PTK2: variants seen among roughly 807,000 people sequenced by gnomAD.
The protein encoded by PTK2 is focal adhesion kinase 1.
PTK2 carries 45 observed loss-of-function variants against 150.1 expected under a neutral mutation model. That is an observed-to-expected ratio of 0.30 (90% confidence interval 0.24 to 0.38). The LOEUF (loss-of-function observed/expected upper bound fraction) is 0.38, where lower values mean the gene tolerates loss of function less well. PTK2 is among the 10% of genes least tolerant of loss of function. PTK2 has a pLI of 1.00. For missense variants in PTK2, 919 were observed against 1,307.3 expected (o/e 0.70, Z 4.58); for synonymous variants, 432 against 449.2 (o/e 0.96, Z 0.48).
intron 3 of PTK2, among the ~76,000 whole-genome samples, chr8:140,884,614 A>G (rs1157449190): frequency 6.6e-6 from 1 of 152,176 alleles, no homozygotes; most frequent in African/African-American, 2.4e-5. Context: ...ACTGCTCTGA[A>G]AAGTCCTCCA....
intron 10 of PTK2, among the ~76,000 whole-genome samples, chr8:140,804,991 C>T (rs2100097446): frequency 6.6e-6 from 1 of 152,134 alleles, no homozygotes; most frequent in African/African-American, 2.4e-5. Context: ...TGGCTTCTCC[C>T]CTACTCAATC....
intron 23 of PTK2, 78 bp from the exon 27 acceptor site, chr8:140,706,283 T>C: frequency 9.2e-7 from 1 of 1,083,192 alleles, no homozygotes; most frequent in Non-Finnish European, 1.4e-6. Flanking sequence ...GAAAAAGACA[T>C]TTTCCTAATA....
chr8:140,861,080 C>A (rs1318124434), intron 5 of PTK2, among the ~76,000 whole-genome samples: 1 of 152,204 alleles, frequency 6.6e-6, no homozygotes, highest in African/African-American at 2.4e-5. Flanking sequence ...GTGGCTCATG[C>A]CTATACTCCC....
rs150471887 is a variant in PTK2 at position 140,777,464 on chromosome 8, C to T, written c.1177+12010G>A. ...CACGCCATTCATAAGGGATCTGCCT[C>T]ATGATTCAAGCACCATCCACCAGGC... On this transcript the variant is annotated intron_variant, in intron 14 of 31. Coordinates refer to ENST00000522684, the Ensembl canonical transcript of PTK2. Among the ~76,000 whole-genome samples, 4 of 152,386 alleles carry T rather than the reference C, an allele frequency of 2.6e-5. No individual in the cohort carries two copies. In the East Asian group the frequency reaches 7.7e-4, roughly 29 times the overall value.
intron 5 of PTK2, among the ~76,000 whole-genome samples, chr8:140,862,696 G>C (rs1346392769): frequency 6.6e-6 from 1 of 152,162 alleles, no homozygotes; most frequent in Admixed American, 6.5e-5. Flanking sequence ...CAGATAAGCA[G>C]TGGCATAAGA....
intron 14 of PTK2, among the ~76,000 whole-genome samples, chr8:140,781,158 T>TA (rs2100081446): frequency 6.6e-6 from 1 of 152,182 alleles, no homozygotes; most frequent in South Asian, 2.1e-4. Flanking sequence ...CTCTAGAATT[T>TA]ATATTTTAAA....
intron 1 of PTK2, among the ~76,000 whole-genome samples, chr8:140,929,685 G>A (rs1253998229): frequency 6.6e-6 from 1 of 151,734 alleles, no homozygotes; most frequent in Non-Finnish European, 1.5e-5. Flanking sequence ...AAATTTAAAG[G>A]TCCATTCAGT....
chr8:140,884,731 CTG>C (rs2100151662), intron 3 of PTK2, among the ~76,000 whole-genome samples: 1 of 152,186 alleles, frequency 6.6e-6, no homozygotes, highest in African/African-American at 2.4e-5. Context: ...TCCCAAATCA[CTG>C]TACATTTTCC....
intron 10 of PTK2, 47 bp from the exon 11 acceptor site, chr8:140,803,697 A>G (rs758681098): frequency 1.3e-6 from 2 of 1,488,284 alleles, no homozygotes; most frequent in Admixed American, 1.7e-5. Flanking sequence ...TAAAAAACTC[A>G]TTTCACAGAG....
At chr8:140,711,167 C>T (rs747979245) in intron 23 of PTK2, among the ~76,000 whole-genome samples, 6 of 152,152 alleles carry the variant, frequency 3.9e-5, no homozygotes, top group Non-Finnish European at 7.3e-5. Context: ...AGTGCAGTGG[C>T]GTGATCTCGG....
At chr8:140,858,258 A>C (rs1214044913) in intron 5 of PTK2, among the ~76,000 whole-genome samples, 1 of 152,090 alleles carries the variant, frequency 6.6e-6, no homozygotes, top group Non-Finnish European at 1.5e-5. Context: ...ACATATGGAG[A>C]GACTGAGGAG....
In PTK2 at chr8:140,702,498, G is replaced by A. The variant is rs562774924; in HGVS notation, c.2367+72C>T. 12 of 1,546,694 alleles carry A rather than the reference G, an allele frequency of 7.8e-6. No individual in the cohort carries two copies. The East Asian group carries it at 2.3e-4, about 29-fold the overall frequency. On this transcript the variant is annotated intron_variant, in intron 25 of 31. Coordinates refer to ENST00000522684, the Ensembl canonical transcript of PTK2. Reference sequence around the variant, plus strand: ...CCTCCCAAAAGTGCTAGGATTACAAGTGTAAGCCACCATGCCCAGCTTTGC... The same window carrying A: ...CCTCCCAAAAGTGCTAGGATTACAAATGTAAGCCACCATGCCCAGCTTTGC...
intron 22 of PTK2, among the ~76,000 whole-genome samples, chr8:140,720,999 C>T (rs1254843271): frequency 9.9e-5 from 15 of 152,244 alleles, no homozygotes; most frequent in Middle Eastern, 3.4e-3. Flanking sequence ...TCAAGTGATC[C>T]GCCCGCCTTG....
At chr8:140,667,548 G>A (rs186658487) in intron 30 of PTK2, among the ~76,000 whole-genome samples, 4 of 151,242 alleles carry the variant, frequency 2.6e-5, no homozygotes, top group Admixed American at 2.6e-4. Flanking sequence ...TGATCTGCCT[G>A]CCTCAGCCTC....
chr8:140,803,180 T>C (rs111309635), intron 11 of PTK2, among the ~76,000 whole-genome samples: 2,551 of 151,572 alleles, frequency 0.017, 73 homozygotes, highest in African/African-American at 0.057. Flanking sequence ...ATGCCTGGCT[T>C]ATCTTTGTAT....
chr8:140,867,726 A>G (rs1459616137), intron 4 of PTK2, among the ~76,000 whole-genome samples: 1 of 152,200 alleles, frequency 6.6e-6, no homozygotes, highest in Non-Finnish European at 1.5e-5. Context: ...AAATCTGCCC[A>G]TGTACCCTTG....
At chr8:140,674,525 A>G in intron 28 of PTK2, 121 bp from the exon 32 acceptor site, 1 of 818,250 alleles carries the variant, frequency 1.2e-6, no homozygotes, top group Non-Finnish European at 2.0e-6. Context: ...AGATCACCTG[A>G]GGTCAGGAAT....
chr8:140,883,967 A>G (rs1010566222), intron 3 of PTK2, among the ~76,000 whole-genome samples: 1 of 152,070 alleles, frequency 6.6e-6, no homozygotes, highest in African/African-American at 2.4e-5. Flanking sequence ...CAGCTTCTAC[A>G]GGGCACTGCA....
intron 10 of PTK2, among the ~76,000 whole-genome samples, chr8:140,808,237 G>T (rs959095410): frequency 6.6e-6 from 1 of 151,966 alleles, no homozygotes; most frequent in African/African-American, 2.4e-5. Context: ...GAATTACCAT[G>T]AACAGGTAAG....
Sources: gnomAD v4.1 joint callset for allele counts (sites outside exome capture counted in the v4.1 genomes callset) on GRCh38, gnomAD v4.1.1 for gene constraint, MANE v1.5 for transcripts, NCBI Gene and HGNC (gene_info 2026-07-23, HGNC 2026-07-21) for gene names.